Variants in ADGRE5 observed in about 807,000 individuals in gnomAD.
The protein encoded by ADGRE5 is adhesion G protein-coupled receptor E5.
In ADGRE5, 72 loss-of-function variants were observed where a neutral mutation model predicts 100.3. That is an observed-to-expected ratio of 0.72 (90% confidence interval 0.59 to 0.87). The LOEUF is 0.87. Among genes scored for constraint, ADGRE5 ranks in the 40% least tolerant of loss-of-function variants. The pLI, the probability that ADGRE5 is intolerant of heterozygous loss-of-function variation, is 0.00. For missense variants in ADGRE5, 959 were observed against 1,094.7 expected, an observed-to-expected ratio of 0.88 and a Z score of 1.75; for synonymous variants, 439 against 447.8, an observed-to-expected ratio of 0.98 and a Z score of 0.25.
chr19:14,385,037 G>C (rs59151983), intron 1 of ADGRE5, among the ~76,000 whole-genome samples: 2 of 65,670 alleles, frequency 3.0e-5, no homozygotes, highest in African/African-American at 1.3e-4. Context: ...TTTTTTGAGA[G>C]TCTTGCTCTG....
chr19:14,401,448 A>T lies in ADGRE5; in HGVS notation c.960A>T (p.Pro320=), dbSNP rs16979636. ...EAPGDVEALA[P]PVRHLIATQL... is the part of the protein sequence containing the mutation. Reference sequence around the variant, plus strand: ...CTGGAGACGTAGAGGCCCTGGCGCCACCTGTCCGGCACCTCATAGCCACCC... The same window carrying T: ...CTGGAGACGTAGAGGCCCTGGCGCCTCCTGTCCGGCACCTCATAGCCACCC... Residue 320 remains proline, a synonymous_variant, in exon 10 of 20, where the codon CCA becomes CCT. Transcript: ENST00000242786. The surrounding 1 kb of genome is among the most constrained non-coding windows in gnomAD (Gnocchi z 4.1). 1.8e-3 allele frequency: 2,985 copies of T among 1,614,096 alleles called. 52 individuals are homozygous for T. The African/African-American group carries it at 0.036, about 20-fold the overall frequency.
chr19:14,406,335 G>A lies in ADGRE5; in HGVS notation c.1826G>A (p.Gly609Glu), dbSNP rs1237478125. 1 of 1,563,072 alleles carries A rather than the reference G, an allele frequency of 6.4e-7. No homozygotes were observed. Among genetic ancestry groups the A allele is most frequent in the South Asian group, 1.2e-5 (1 of 85,450 alleles). Residue 609 changes from glycine (G) to glutamate (E), a missense_variant, in exon 15 of 20, where the codon GGG becomes GAG. By Grantham distance (98) the Gly-to-Glu change is moderately conservative. Transcript: ENST00000242786. This position sits in a 1 kb window ranked among gnomAD's most constrained non-coding sequence, Gnocchi z 6.0. Reference protein sequence around the residue: ...AGIENEGGQVGLRCRLVAGLL... With the variant: ...AGIENEGGQVELRCRLVAGLL... ...CCCTCCGTCCCCGCCCCGCAGGTGG[G>A]GCTGCGCTGCCGCCTGGTGGCCGGG... is the stretch of plus-strand genomic sequence containing the variant.
intron 1 of ADGRE5, among the ~76,000 whole-genome samples, chr19:14,383,626 C>T (rs1975236432): frequency 6.6e-6 from 1 of 151,974 alleles, no homozygotes; most frequent in Non-Finnish European, 1.5e-5. Context: ...GCCCCACCAC[C>T]CCCCACCCCA....
At position 14,396,733 on chromosome 19, in the gene ADGRE5, G is replaced by A. The variant is rs907869664; in HGVS notation, c.478+260G>A. Among the ~76,000 whole-genome samples the A allele has an allele frequency of 5.3e-5, 8 of 152,000 alleles. No homozygotes were observed. The South Asian group carries it at 1.7e-3, about 32-fold the overall frequency. ...CCTCATCTGTCACGTGCGAGTGGAA[G>A]AAGGTGTCACTTCCAGTTCTAAGAA... On this transcript the variant is annotated intron_variant, in intron 5 of 19. Coordinates refer to ENST00000242786, the MANE Select transcript of ADGRE5 (RefSeq NM_078481.4).
chr19:14,391,015 C>T lies in ADGRE5; in HGVS notation c.282C>T (p.Ser94=), dbSNP rs1259915754. ...NTEGSYDCVC[S]PGYEPVSGAK... ...AGGGGAGCTACGACTGCGTGTGCAG[C>T]CCGGGATATGAGCCTGTTTCTGGGG... The change falls in exon 4 of 20, where the codon AGC becomes AGT. Residue 94 remains serine, a synonymous_variant. Coordinates refer to ENST00000242786, the MANE Select transcript of ADGRE5 (RefSeq NM_078481.4). 5.6e-6 allele frequency: 9 copies of T among 1,614,088 alleles called. No homozygotes were observed. Among genetic ancestry groups the T allele is most frequent in the Non-Finnish European group, 7.6e-6 (9 of 1,180,056 alleles).
Position 14,401,638 on chromosome 19 carries a change from C to A in ADGRE5, c.1076-15C>A. The A allele has an allele frequency of 6.2e-7, 1 of 1,601,560 alleles. No individual in the cohort carries two copies. Among genetic ancestry groups the A allele is most frequent in the Non-Finnish European group, 8.5e-7 (1 of 1,173,104 alleles). On this transcript the variant is annotated splice_polypyrimidine_tract_variant and intron_variant, in intron 10 of 19. Coordinates refer to ENST00000242786, the MANE Select transcript of ADGRE5 (RefSeq NM_078481.4). The surrounding 1 kb of genome is among the most constrained non-coding windows in gnomAD (Gnocchi z 4.1). ...TACCTGGGGTCCCTAATCACAACTG[C>A]CCCTCTCCCCTCAGAGCTGACCCTG...
In ADGRE5 at chr19:14,395,907, C is replaced by A. The variant is rs947845360; in HGVS notation, c.347-435C>A. ...GTGTGGATGGGAGAGCAGCATCCTG[C>A]TAGGGCCACCAGGATGCTGAGAATT... On this transcript the variant is annotated intron_variant, in intron 4 of 19. Transcript: ENST00000242786. 2.6e-5 allele frequency among the ~76,000 whole-genome samples: 4 copies of A among 152,216 alleles called. No homozygotes were observed. The South Asian group carries it at 6.2e-4, about 24-fold the overall frequency.
intron 9 of ADGRE5, among the ~76,000 whole-genome samples, chr19:14,400,112 C>T (rs922409436): frequency 5.3e-5 from 8 of 152,158 alleles, no homozygotes; most frequent in East Asian, 1.9e-4. Flanking sequence ...CTCCGCCTCC[C>T]GGGTTCATGC....
At chr19:14,396,220 T>G (rs565921020) in intron 4 of ADGRE5, 122 bp from the exon 5 acceptor site, 1 of 1,565,102 alleles carries the variant, frequency 6.4e-7, no homozygotes, top group African/African-American at 1.4e-5. Flanking sequence ...CTGTGTGGAT[T>G]GGAAAAGGGA....
At chr19:14,389,249 T>G (rs1394593669) in intron 3 of ADGRE5, among the ~76,000 whole-genome samples, 6 of 3,494 alleles carry the variant, frequency 1.7e-3, no homozygotes, top group African/African-American at 4.3e-3. Context: ...GGGAGGGGGA[T>G]GGGGAGGGAG....
chr19:14,386,182 A>C (rs1975341742), intron 1 of ADGRE5, among the ~76,000 whole-genome samples: 1 of 151,616 alleles, frequency 6.6e-6, no homozygotes, highest in African/African-American at 2.4e-5. Flanking sequence ...GATCGAAACC[A>C]TCCTGGCTAA....
intron 1 of ADGRE5, among the ~76,000 whole-genome samples, chr19:14,384,849 A>AGCTGTCTTC (rs1568305829): frequency 6.7e-6 from 1 of 149,710 alleles, no homozygotes; most frequent in Non-Finnish European, 1.5e-5. Context: ...CCTCTGTCTT[A>AGCTGTCTTC]TATTTCTCTA....
chr19:14,397,321 A>C, intron 6 of ADGRE5, 98 bp downstream of exon 6: 1 of 1,575,452 alleles, frequency 6.3e-7, no homozygotes. Flanking sequence ...CGCTGGAGGC[A>C]CCTGGCTGTG....
In ADGRE5 at chr19:14,396,366, C is replaced by G; in HGVS notation, c.371C>G (p.Pro124Arg). 1 of 1,614,272 alleles carries G rather than the reference C, an allele frequency of 6.2e-7. No homozygotes were observed. Among genetic ancestry groups the G allele is most frequent in the Non-Finnish European group, 8.5e-7 (1 of 1,180,056 alleles). Residue 124 changes from proline (P) to arginine (R), a missense_variant, in exon 5 of 20, where the codon CCA (proline) becomes CGA (arginine). By Grantham distance (103) the Pro-to-Arg change is moderately radical. Around this residue, in one of 6 missense-constraint regions of ADGRE5, gnomAD observed 114 missense variants for 195.7 expected, o/e 0.58. Transcript: ENST00000242786. ...GATGTGGACGAATGTCAGCAGAACC[C>G]AAGGCTCTGTAAAAGCTACGGCACC... ...CQDVDECQQN[P>R]RLCKSYGTCV... is the part of the protein sequence containing the mutation.
Position 14,406,656 on chromosome 19 carries a change from C to T in ADGRE5, c.2049-44C>T, listed in dbSNP as rs1976254299. On this transcript the variant is annotated intron_variant, in intron 15 of 19. Coordinates refer to ENST00000242786, the MANE Select transcript of ADGRE5 (RefSeq NM_078481.4). The surrounding 1 kb of genome is among the most constrained non-coding windows in gnomAD (Gnocchi z 6.0). ...TGTCCGGCCGCCCTCCGTTCCGCTC[C>T]TGGCTTCCTGGGGCACTGATGGGAC... 1 of 1,610,812 alleles carries T rather than the reference C, an allele frequency of 6.2e-7. No homozygotes were observed. The highest frequency in any genetic ancestry group is 8.5e-7 in the Non-Finnish European group (1 of 1,176,990).
intron 4 of ADGRE5, among the ~76,000 whole-genome samples, chr19:14,392,632 G>A (rs1361631798): frequency 2.0e-5 from 3 of 152,198 alleles, no homozygotes; most frequent in Non-Finnish European, 4.4e-5. Flanking sequence ...GCTGGGCACA[G>A]TGGCTCACAC....
Position 14,394,378 on chromosome 19 carries a change from G to C in ADGRE5, c.347-1964G>C, listed in dbSNP as rs376924680. ...CCCAGTGTCACAGCCCATGGGGCCTGTGACATCCAGGCCAGAGACCTCGGG... is the reference window on the plus strand; with the variant it reads ...CCCAGTGTCACAGCCCATGGGGCCTCTGACATCCAGGCCAGAGACCTCGGG... On this transcript the variant is annotated intron_variant, in intron 4 of 19. Coordinates refer to ENST00000242786, the MANE Select transcript of ADGRE5 (RefSeq NM_078481.4). Among the ~76,000 whole-genome samples, 27 of 152,136 alleles carry C rather than the reference G, an allele frequency of 1.8e-4. No homozygotes were observed. In the East Asian group the frequency reaches 3.9e-3, roughly 22 times the overall value.
At position 14,408,110 on chromosome 19, in the gene ADGRE5, T is replaced by G. The variant is rs1052864114; in HGVS notation, c.2497T>G (p.Ser833Ala). ...TCTCCAGGCCCTCAGGGCATCAGAG[T>G]CCGGCATATGAAGGCGCATGGTTCT... ...NQTRALRASESGI is the reference protein window; with the variant it reads ...NQTRALRASEAGI Residue 833 changes from serine to alanine, a missense_variant, in exon 20 of 20, where the codon TCC (serine) becomes GCC (alanine). By Grantham distance (99) the Ser-to-Ala change is moderately conservative (BLOSUM62 1). Coordinates refer to ENST00000242786, the MANE Select transcript of ADGRE5 (RefSeq NM_078481.4). 3 of 1,613,010 alleles carry G rather than the reference T, an allele frequency of 1.9e-6. No individual in the cohort carries two copies. Among genetic ancestry groups the G allele is most frequent in the Admixed American group, 1.7e-5 (1 of 59,958 alleles).
chr19:14,406,866 C>G lies in ADGRE5; in HGVS notation c.2116-3C>G. 6.2e-7 allele frequency: 1 copy of G among 1,613,836 alleles called. No individual in the cohort carries two copies. The highest frequency in any genetic ancestry group is 1.6e-4 in the Middle Eastern group (1 of 6,062). ...TCTAACCCACAATCTGCTCCCTGCCCAGTGCAATGCTGTCATTTTCGTGAC... is the reference window on the plus strand; with the variant it reads ...TCTAACCCACAATCTGCTCCCTGCCGAGTGCAATGCTGTCATTTTCGTGAC... On this transcript the variant is annotated splice_polypyrimidine_tract_variant and splice_region_variant and intron_variant, in intron 16 of 19. Coordinates refer to ENST00000242786, the MANE Select transcript of ADGRE5 (RefSeq NM_078481.4). The surrounding 1 kb of genome is among the most constrained non-coding windows in gnomAD (Gnocchi z 6.0).
Sources: gnomAD v4.1 joint callset for allele counts (sites outside exome capture counted in the v4.1 genomes callset) on GRCh38, gnomAD v4.1.1 for gene constraint, gnomAD v4.1.1 regional missense constraint, Gnocchi (gnomAD v3.1) non-coding constraint, MANE v1.5 for transcripts, NCBI Gene and HGNC (gene_info 2026-07-23, HGNC 2026-07-21) for gene names.